RUFY3: variants seen among roughly 807,000 people sequenced by gnomAD.
RUFY3 encodes RUN and FYVE domain containing 3.
A neutral mutation model predicts 84.0 loss-of-function variants in RUFY3; 34 were observed. The ratio of observed to expected loss-of-function variants is 0.40; its 90% CI spans 0.31 to 0.54. The LOEUF (loss-of-function observed/expected upper bound fraction) is 0.54. RUFY3 is among the 20% of genes least tolerant of loss of function. RUFY3 has a pLI of 0.39. For synonymous variants in RUFY3, 242 were observed against 252.9 expected (o/e 0.96, Z 0.41); for missense variants, 507 against 736.8 (o/e 0.69, Z 3.61).
At chr4:70,721,001 T>C (rs1252961243), upstream of RUFY3, among the ~76,000 whole-genome samples, 1 of 151,978 alleles carries the variant, frequency 6.6e-6, no homozygotes, top group African/African-American at 2.4e-5. Context: ...TAACATGGTT[T>C]AATCTGCTTA....
At chr4:70,794,707 A>G in intron 13 of RUFY3, 88 bp from the exon 14 acceptor site, 1 of 816,266 alleles carries the variant, frequency 1.2e-6, no homozygotes, top group Admixed American at 2.3e-5. Context: ...TAATTACTGC[A>G]CTTTAAGACA....
chr4:70,803,009 A>G, intron 16 of RUFY3, 26 bp downstream of exon 16: 1 of 1,589,882 alleles, frequency 6.3e-7, no homozygotes, highest in South Asian at 1.1e-5. Context: ...GTTTCAAAAC[A>G]TCTTGTATGA....
At chr4:70,712,271 G>C (rs908230763) in intron 1 of RUFY3, among the ~76,000 whole-genome samples, 1 of 152,190 alleles carries the variant, frequency 6.6e-6, no homozygotes, top group Non-Finnish European at 1.5e-5. Flanking sequence ...CGTGCAGAGA[G>C]CTAGAAACTT....
chr4:70,744,897 C>T (rs986778658), intron 1 of RUFY3, among the ~76,000 whole-genome samples: 4 of 151,878 alleles, frequency 2.6e-5, no homozygotes, highest in South Asian at 2.1e-4. Context: ...TCAGGTGATG[C>T]GCCCGCCTCA....
chr4:70,718,968 G>A (rs1464396128), upstream of RUFY3, among the ~76,000 whole-genome samples: 1 of 152,196 alleles, frequency 6.6e-6, no homozygotes, highest in African/African-American at 2.4e-5. Flanking sequence ...GCCTGCCTCA[G>A]CCTCCCACAG....
chr4:70,774,219 C>A (rs932352339), intron 6 of RUFY3, among the ~76,000 whole-genome samples: 3 of 152,074 alleles, frequency 2.0e-5, no homozygotes, highest in Non-Finnish European at 4.4e-5. Flanking sequence ...TTTTATCTTA[C>A]AGCTGAAAAA....
chr4:70,757,673 TTA>T (rs1724266073), intron 1 of RUFY3, among the ~76,000 whole-genome samples: 2 of 152,200 alleles, frequency 1.3e-5, no homozygotes. Context: ...TTAAATATGA[TTA>T]TGTTTATCCT....
At chr4:70,723,541 C>T (rs72654396) in intron 1 of RUFY3, among the ~76,000 whole-genome samples, 6,041 of 152,232 alleles carry the variant, frequency 0.04, 227 homozygotes, top group Non-Finnish European at 0.047. Context: ...TTCCAGGACT[C>T]TTGCTAATTT....
At chr4:70,742,393 CT>C (rs1209044872) in intron 1 of RUFY3, among the ~76,000 whole-genome samples, 1 of 152,210 alleles carries the variant, frequency 6.6e-6, no homozygotes, top group Non-Finnish European at 1.5e-5. Context: ...GCACACACCC[CT>C]GACACACACA....
chr4:70,778,483 C>T, intron 8 of RUFY3, 45 bp downstream of exon 8: 1 of 1,028,270 alleles, frequency 9.7e-7, no homozygotes, highest in East Asian at 2.4e-5. Context: ...ATTTAATATG[C>T]ATTAGTAGAA....
intron 5 of RUFY3, among the ~76,000 whole-genome samples, chr4:70,769,562 G>A (rs1726595723): frequency 6.6e-6 from 1 of 152,172 alleles, no homozygotes; most frequent in African/African-American, 2.4e-5. Flanking sequence ...TGAAAGTTGA[G>A]GTGGCTGTGG....
intron 1 of RUFY3, among the ~76,000 whole-genome samples, chr4:70,733,109 A>AGGG (rs1218416944): frequency 5.7e-5 from 5 of 87,770 alleles, no homozygotes; most frequent in Non-Finnish European, 1.1e-4. Flanking sequence ...AGAGAGAGAG[A>AGGG]GAGAGAGAGA....
chr4:70,726,375 T>C (rs1026616046), intron 1 of RUFY3, among the ~76,000 whole-genome samples: 3 of 152,158 alleles, frequency 2.0e-5, no homozygotes, highest in African/African-American at 4.8e-5. Flanking sequence ...TTTTTTTTCT[T>C]TTTTTTGAGA....
intron 1 of RUFY3, among the ~76,000 whole-genome samples, chr4:70,754,693 G>C (rs530735151): frequency 6.6e-6 from 1 of 150,630 alleles, no homozygotes; most frequent in Admixed American, 6.6e-5. Flanking sequence ...AGTTTTATAC[G>C]CTAAGGTCTT....
intron 16 of RUFY3, among the ~76,000 whole-genome samples, chr4:70,803,472 G>A (rs944835187): frequency 2.0e-5 from 3 of 149,642 alleles, no homozygotes; most frequent in Non-Finnish European, 4.4e-5. Flanking sequence ...TTTTTAAATG[G>A]AGATAAGGTC....
chr4:70,786,183 C>T (rs971584985), intron 10 of RUFY3, among the ~76,000 whole-genome samples: 26 of 152,162 alleles, frequency 1.7e-4, no homozygotes, highest in African/African-American at 5.3e-4. Context: ...AACACTCATA[C>T]GTGGAATCTA....
chr4:70,746,504 C>CAA (rs1178734323), intron 1 of RUFY3, among the ~76,000 whole-genome samples: 35 of 65,078 alleles, frequency 5.4e-4, no homozygotes, highest in Admixed American at 9.1e-4. Flanking sequence ...AAGACTGTCT[C>CAA]AAAAAAAAAA....
At chr4:70,733,556 T>C (rs1471775294) in intron 1 of RUFY3, among the ~76,000 whole-genome samples, 1 of 152,224 alleles carries the variant, frequency 6.6e-6, no homozygotes, top group Non-Finnish European at 1.5e-5. Flanking sequence ...CACGGTATTC[T>C]GACTTCCTGT....
At chr4:70,704,830 C>T (rs1740068715) in exon 1 of RUFY3, 2 of 720,252 alleles carry the variant, frequency 2.8e-6, no homozygotes, top group South Asian at 6.7e-5. Context: ...GCGGTGGCGG[C>T]GGCGGCGCAG....
Sources: allele counts gnomAD v4.1 joint callset (sites outside exome capture counted in the v4.1 genomes callset), GRCh38; gene constraint gnomAD v4.1.1; transcripts MANE v1.5; gene names NCBI Gene and HGNC (gene_info 2026-07-23, HGNC 2026-07-21).